The following ANKRD28 variants were observed in gnomAD, a reference collection of about 807,000 sequenced individuals.
The protein encoded by ANKRD28 is serine/threonine-protein phosphatase 6 regulatory ankyrin repeat subunit A.
In ANKRD28, 44 loss-of-function variants were observed where a neutral mutation model predicts 126.5. That is an observed-to-expected ratio of 0.35 (90% confidence interval 0.27 to 0.45). The LOEUF (loss-of-function observed/expected upper bound fraction) is 0.45. Among genes scored for constraint, ANKRD28 ranks in the 20% least tolerant of loss-of-function variants. ANKRD28 has a pLI of 1.00. For synonymous variants in ANKRD28, 442 were observed against 468.5 expected, an observed-to-expected ratio of 0.94 and a Z score of 0.73; for missense variants, 1,110 against 1,316.6, an observed-to-expected ratio of 0.84 and a Z score of 2.43.
At chr3:15,697,612 T>C (rs377699308) in intron 14 of ANKRD28, among the ~76,000 whole-genome samples, 3 of 152,090 alleles carry the variant, frequency 2.0e-5, no homozygotes, top group African/African-American at 7.2e-5. Flanking sequence ...GAGTTGATTG[T>C]GGTGGGTAAG....
intron 1 of ANKRD28, among the ~76,000 whole-genome samples, chr3:15,829,161 G>A (rs1377690333): frequency 6.6e-6 from 1 of 152,008 alleles, no homozygotes; most frequent in Non-Finnish European, 1.5e-5. Flanking sequence ...CTACCGAATT[G>A]CTTAAAAGTA....
intron 14 of ANKRD28, among the ~76,000 whole-genome samples, chr3:15,701,030 G>A (rs1365739627): frequency 6.6e-6 from 1 of 152,020 alleles, no homozygotes; most frequent in Non-Finnish European, 1.5e-5. Context: ...ACTACCTGGG[G>A]AAAAAATTCT....
chr3:15,855,663 A>C (rs1021270524), intron 1 of ANKRD28, among the ~76,000 whole-genome samples: 1 of 152,218 alleles, frequency 6.6e-6, no homozygotes, highest in Non-Finnish European at 1.5e-5. Context: ...AAATATGCTA[A>C]GTGAATGAGA....
chr3:15,681,214 T>C (rs1401991370), intron 21 of ANKRD28, among the ~76,000 whole-genome samples: 1 of 152,212 alleles, frequency 6.6e-6, no homozygotes, highest in African/African-American at 2.4e-5. Context: ...TAATTCAATG[T>C]AAATGCTATA....
intron 1 of ANKRD28, among the ~76,000 whole-genome samples, chr3:15,804,388 A>G (rs2060532915): frequency 6.9e-6 from 1 of 145,584 alleles, no homozygotes; most frequent in Non-Finnish European, 1.5e-5. Context: ...ATTTTAATAA[A>G]ACTCTCCATA....
intron 4 of ANKRD28, among the ~76,000 whole-genome samples, chr3:15,741,030 C>T (rs980040777): frequency 3.3e-5 from 5 of 152,138 alleles, no homozygotes; most frequent in Non-Finnish European, 7.3e-5. Flanking sequence ...GAAACCCCGT[C>T]TCTACTAAAT....
chr3:15,787,025 G>A (rs2059813703), intron 2 of ANKRD28, among the ~76,000 whole-genome samples: 1 of 152,062 alleles, frequency 6.6e-6, no homozygotes, highest in Non-Finnish European at 1.5e-5. Flanking sequence ...TACCAATGAA[G>A]AGGGTTAATA....
chr3:15,736,993 G>C (rs1559436522), intron 5 of ANKRD28, 40 bp downstream of exon 5: 5 of 1,594,112 alleles, frequency 3.1e-6, no homozygotes, highest in Non-Finnish European at 4.3e-6. Context: ...GGGGTGGACA[G>C]GAGGAGAGAA....
At chr3:15,686,330 A>G in intron 18 of ANKRD28, 21 bp from the exon 19 acceptor site, 1 of 1,486,016 alleles carries the variant, frequency 6.7e-7, no homozygotes, top group Non-Finnish European at 9.2e-7. Flanking sequence ...AAATTTAAAC[A>G]TTTCAGTAAT....
At chr3:15,798,940 A>G (rs1036492843), upstream of ANKRD28, among the ~76,000 whole-genome samples, 3 of 152,126 alleles carry the variant, frequency 2.0e-5, no homozygotes, top group Admixed American at 2.0e-4. Context: ...GTGATATGCT[A>G]TGTGCTGTAC....
intron 1 of ANKRD28, among the ~76,000 whole-genome samples, chr3:15,809,537 A>G (rs2060663327): frequency 6.6e-6 from 1 of 152,200 alleles, no homozygotes; most frequent in Admixed American, 6.5e-5. Context: ...TATCAGAGAA[A>G]AATACTCTCT....
chr3:15,731,051 T>G (rs1218913802), intron 6 of ANKRD28, among the ~76,000 whole-genome samples: 2 of 152,194 alleles, frequency 1.3e-5, no homozygotes, highest in Non-Finnish European at 2.9e-5. Context: ...TGTAAGGAAA[T>G]AAAATTTCTG....
chr3:15,762,208 A>AC (rs1347290981), intron 3 of ANKRD28, among the ~76,000 whole-genome samples: 3 of 33,202 alleles, frequency 9.0e-5, no homozygotes, highest in African/African-American at 1.8e-4. Context: ...AAAAAAAAAA[A>AC]AAAAACAAAA....
At chr3:15,795,435 G>A in intron 1 of ANKRD28, 129 bp from the exon 2 acceptor site, 1 of 538,006 alleles carries the variant, frequency 1.9e-6, no homozygotes, top group Non-Finnish European at 3.2e-6. Flanking sequence ...TTAGCCAGAA[G>A]TTTCATAAAA....
At chr3:15,790,999 G>GA (rs1460559350) in intron 2 of ANKRD28, among the ~76,000 whole-genome samples, 1 of 151,896 alleles carries the variant, frequency 6.6e-6, no homozygotes, top group East Asian at 1.9e-4. Context: ...TGAACAATGT[G>GA]AAAAAGAAAC....
intron 14 of ANKRD28, among the ~76,000 whole-genome samples, chr3:15,696,766 G>A (rs1408351732): frequency 6.6e-6 from 1 of 152,096 alleles, no homozygotes; most frequent in African/African-American, 2.4e-5. Flanking sequence ...ACAGAGTAAA[G>A]TGGTAAGAAG....
intron 23 of ANKRD28, 59 bp from the exon 24 acceptor site, chr3:15,678,413 A>G (rs2067184116): frequency 6.8e-7 from 1 of 1,476,746 alleles, no homozygotes; most frequent in Non-Finnish European, 9.1e-7. Context: ...ATGCTGGAAA[A>G]ATATTCTTTA....
rs369985204 is a variant in ANKRD28 at position 15,720,930 on chromosome 3, G to A, written c.981C>T (p.Ala327=). The A allele has an allele frequency of 1.2e-4, 198 of 1,612,830 alleles. No homozygotes were observed. The highest frequency in any genetic ancestry group is 6.6e-4 in the Middle Eastern group (4 of 6,076). The part of the protein sequence containing the change: ...LCLELLVGNG[A]DVNMKSKDGK... ...TGTTCCTTACCTTCATATTGACATC[G>A]GCCCCATTGCCAACTAGAAGCTCTA... Residue 327 remains alanine, a synonymous_variant, in exon 8 of 28, where the codon GCC becomes GCT. Coordinates refer to ENST00000683139, the MANE Select transcript of ANKRD28 (RefSeq NM_001349278.2).
chr3:15,827,618 A>G (rs1026961574), intron 1 of ANKRD28, among the ~76,000 whole-genome samples: 5 of 152,176 alleles, frequency 3.3e-5, no homozygotes, highest in Non-Finnish European at 7.4e-5. Context: ...TCAAAGTAAG[A>G]GCTAAAACTG....
Sources: gnomAD v4.1 joint callset for allele counts (sites outside exome capture counted in the v4.1 genomes callset) on GRCh38, gnomAD v4.1.1 for gene constraint, MANE v1.5 for transcripts, NCBI Gene and HGNC (gene_info 2026-07-23, HGNC 2026-07-21) for gene names.